PRLR: variants seen among roughly 807,000 people sequenced by gnomAD.
PRLR encodes the protein prolactin receptor, also known as hPRL receptor.
In PRLR, 13 loss-of-function variants were observed where a neutral mutation model predicts 40.2. The ratio of observed to expected loss-of-function variants is 0.32; its 90% CI spans 0.21 to 0.51. The LOEUF is 0.51. Among genes scored for constraint, PRLR ranks in the 20% least tolerant of loss-of-function variants. The pLI, the probability that PRLR is intolerant of heterozygous loss-of-function variation, is 0.97. For synonymous variants in PRLR, 269 were observed against 278.7 expected, an observed-to-expected ratio of 0.97 and a Z score of 0.35; for missense variants, 656 against 747.3, an observed-to-expected ratio of 0.88 and a Z score of 1.42.
At chr5:35,156,821 C>A (rs1744284584) in intron 1 of PRLR, among the ~76,000 whole-genome samples, 1 of 152,098 alleles carries the variant, frequency 6.6e-6, no homozygotes, top group Admixed American at 6.5e-5. Flanking sequence ...ACCAAGAGCT[C>A]CTGCCCCTGT....
At chr5:35,074,488 A>C (rs976839405) in intron 5 of PRLR, among the ~76,000 whole-genome samples, 5 of 137,014 alleles carry the variant, frequency 3.6e-5, no homozygotes, top group Non-Finnish European at 7.4e-5. Context: ...GAACAGCTAC[A>C]TATTTTTTAT....
Position 35,058,303 on chromosome 5 carries a change from T to C in PRLR, c.*6786A>G, listed in dbSNP as rs1052597896. On this transcript the variant is annotated 3_prime_UTR_variant, in exon 10 of 10. Transcript: ENST00000618457. The stretch of plus-strand genomic sequence containing the variant: ...TATTATGTATAACTTCACTTCAATA[T>C]GGCTTTACAGAAGACACAGTCACCC... The C allele has an allele frequency of 6.6e-6, 1 of 152,194 alleles. No homozygotes were observed. Among genetic ancestry groups the C allele is most frequent in the South Asian group, 2.1e-4 (1 of 4,828 alleles). 9.4% of individuals were successfully genotyped at this position (152,194 alleles called of 1,614,324 possible).
chr5:35,213,363 C>A (rs949064191), intron 1 of PRLR, among the ~76,000 whole-genome samples: 1 of 152,170 alleles, frequency 6.6e-6, no homozygotes, highest in African/African-American at 2.4e-5. Context: ...AATCCACAAC[C>A]TTTTAGGTTA....
intron 1 of PRLR, among the ~76,000 whole-genome samples, chr5:35,203,242 A>G (rs570022736): frequency 1.3e-5 from 2 of 152,290 alleles, no homozygotes; most frequent in South Asian, 4.1e-4. Flanking sequence ...GGCAGTAGAG[A>G]AGTGGATGGA....
At chr5:35,221,428 T>C (rs1159373543) in intron 1 of PRLR, among the ~76,000 whole-genome samples, 1 of 152,208 alleles carries the variant, frequency 6.6e-6, no homozygotes, top group Non-Finnish European at 1.5e-5. Context: ...TCTATAGAAG[T>C]AGCAAACTTA....
Position 35,208,744 on chromosome 5 carries a change from A to T in PRLR, c.-106+21524T>A, listed in dbSNP as rs918479357. Among the ~76,000 whole-genome samples the T allele has an allele frequency of 2.0e-5, 3 of 152,170 alleles. No individual in the cohort carries two copies. In the South Asian group the frequency reaches 6.2e-4, roughly 31 times the overall value. On this transcript the variant is annotated intron_variant, in intron 1 of 9. Coordinates refer to ENST00000618457, the MANE Select transcript of PRLR (RefSeq NM_000949.7). The stretch of plus-strand genomic sequence containing the variant: ...TTAAGATGAAAAGGGTTTATTTTTT[A>T]AAAATTAAGAATTTTTTTACATCTA...
intron 1 of PRLR, among the ~76,000 whole-genome samples, chr5:35,228,263 T>C (rs1776604584): frequency 6.7e-6 from 1 of 148,944 alleles, no homozygotes; most frequent in Admixed American, 6.7e-5. Flanking sequence ...AGCAGCATTA[T>C]TTTCATTGTG....
chr5:35,086,334 A>G lies in PRLR; in HGVS notation c.77T>C (p.Leu26Ser). ...AAAGATCTCAGGTTTTCCAGGAGGTAACTGTCCTAGAAAAAGCCAGAAGCC... is the reference window on the plus strand; with the variant it reads ...AAAGATCTCAGGTTTTCCAGGAGGTGACTGTCCTAGAAAAAGCCAGAAGCC... The part of the protein sequence containing the change: ...FLNTCLLNGQ[L>S]PPGKPEIFKC... Residue 26 changes from leucine to serine, a missense_variant, in exon 4 of 10, where the codon TTA becomes TCA. By Grantham distance (145) the Leu-to-Ser change is moderately radical (BLOSUM62 -2). Coordinates refer to ENST00000618457, the MANE Select transcript of PRLR (RefSeq NM_000949.7). 6.2e-7 allele frequency: 1 copy of G among 1,613,440 alleles called. No homozygotes were observed. The highest frequency in any genetic ancestry group is 1.1e-5 in the South Asian group (1 of 91,052).
At chr5:35,092,756 A>G (rs1431632408) in intron 2 of PRLR, among the ~76,000 whole-genome samples, 1 of 152,302 alleles carries the variant, frequency 6.6e-6, no homozygotes, top group East Asian at 1.9e-4. Context: ...GGGGACTATC[A>G]TCTTAGGCAT....
intron 1 of PRLR, among the ~76,000 whole-genome samples, chr5:35,140,411 T>C (rs1313054507): frequency 1.3e-5 from 2 of 152,244 alleles, no homozygotes; most frequent in East Asian, 3.8e-4. Context: ...AATTGTGGAA[T>C]TTGGGAAGAT....
intron 1 of PRLR, among the ~76,000 whole-genome samples, chr5:35,148,134 C>A (rs914017373): frequency 7.2e-5 from 11 of 152,110 alleles, no homozygotes; most frequent in African/African-American, 2.4e-4. Context: ...ATTTTGCAAT[C>A]TACCCTTCTA....
At chr5:35,132,814 G>A (rs1218514914) in intron 1 of PRLR, among the ~76,000 whole-genome samples, 3 of 152,168 alleles carry the variant, frequency 2.0e-5, no homozygotes, top group Non-Finnish European at 4.4e-5. Flanking sequence ...ACCCTGTGAT[G>A]GCTAATTTTG....
chr5:35,170,505 T>C (rs1452481006), intron 1 of PRLR, among the ~76,000 whole-genome samples: 2 of 152,070 alleles, frequency 1.3e-5, no homozygotes, highest in Admixed American at 1.3e-4. Flanking sequence ...AATAAAAAAA[T>C]AAAATTAAAA....
intron 1 of PRLR, among the ~76,000 whole-genome samples, chr5:35,168,562 C>G (rs1208332526): frequency 6.6e-6 from 1 of 150,908 alleles, no homozygotes; most frequent in East Asian, 1.9e-4. Flanking sequence ...CTAAAATATC[C>G]CTAAATATTT....
chr5:35,108,047 C>T (rs1313133001), intron 2 of PRLR, among the ~76,000 whole-genome samples: 2 of 152,172 alleles, frequency 1.3e-5, no homozygotes, highest in East Asian at 1.9e-4. Context: ...GGCTTCATCC[C>T]TGGGATGCAA....
chr5:35,072,641 T>C lies in PRLR; in HGVS notation c.477A>G (p.Leu159=). ...IKWSPPTLID[L]KTGWFTLLYE... ...ACAGGAGCGTGAACCAACCAGTTTT[T>C]AAGTCAATCAGGGTAGGTGGAGACC... The change falls in exon 6 of 10, where the codon TTA becomes TTG. Residue 159 remains leucine (L), a synonymous_variant. Coordinates refer to ENST00000618457, the MANE Select transcript of PRLR (RefSeq NM_000949.7). 1.2e-6 allele frequency: 2 copies of C among 1,614,168 alleles called. No individual in the cohort carries two copies. Among genetic ancestry groups the C allele is most frequent in the Non-Finnish European group, 1.7e-6 (2 of 1,180,004 alleles).
At chr5:35,117,915 A>C (rs1315091185) in intron 2 of PRLR, 146 bp downstream of exon 2, 1 of 241,804 alleles carries the variant, frequency 4.1e-6, no homozygotes, top group Non-Finnish European at 6.7e-6. Context: ...CAGCCTTTGA[A>C]GACAGCAGAA....
At chr5:35,078,779 C>A (rs986278888) in intron 5 of PRLR, among the ~76,000 whole-genome samples, 3 of 152,324 alleles carry the variant, frequency 2.0e-5, no homozygotes, top group Middle Eastern at 3.4e-3. Context: ...AGACCAATAT[C>A]CCTGATGAAC....
exon 9 of PRLR, chr5:35,048,932 C>T (rs929960674): frequency 2.8e-6 from 1 of 357,866 alleles, no homozygotes; most frequent in Non-Finnish European, 5.5e-6. Context: ...TATCATTAAT[C>T]TTGGGTCACC....
Sources: allele counts gnomAD v4.1 joint callset (sites outside exome capture counted in the v4.1 genomes callset), GRCh38; gene constraint gnomAD v4.1.1; transcripts MANE v1.5; gene names NCBI Gene and HGNC (gene_info 2026-07-23, HGNC 2026-07-21).